Variants in RAPGEF5 observed in about 807,000 individuals in gnomAD.
RAPGEF5 encodes the protein Rap guanine nucleotide exchange factor 5.
RAPGEF5 carries 65 observed loss-of-function variants against 125.2 expected under a neutral mutation model. That is an observed-to-expected ratio of 0.52 (90% CI 0.43 to 0.64). The LOEUF is 0.64. Among genes scored for constraint, RAPGEF5 ranks in the 30% least tolerant of loss-of-function variants. The probability of loss-of-function intolerance (pLI) is 0.00; values close to 1 mark genes in which losing one functional copy is unlikely to be tolerated. For missense variants in RAPGEF5, 958 were observed against 1,048.1 expected (o/e 0.91, Z 1.19); for synonymous variants, 391 against 385.9 (o/e 1.01, Z -0.16).
At chr7:22,252,776 T>C (rs759180732) in intron 7 of RAPGEF5, among the ~76,000 whole-genome samples, 1 of 152,126 alleles carries the variant, frequency 6.6e-6, no homozygotes, top group Non-Finnish European at 1.5e-5. Flanking sequence ...TGTATCCCAG[T>C]GGGAGAGTTA....
intron 8 of RAPGEF5, among the ~76,000 whole-genome samples, chr7:22,223,367 T>G (rs923120328): frequency 2.0e-5 from 3 of 152,120 alleles, no homozygotes; most frequent in Non-Finnish European, 4.4e-5. Flanking sequence ...TAACTTTGAG[T>G]GGAGCAATTT....
intron 6 of RAPGEF5, among the ~76,000 whole-genome samples, chr7:22,286,144 T>A (rs1478632321): frequency 6.6e-6 from 1 of 152,180 alleles, no homozygotes; most frequent in African/African-American, 2.4e-5. Context: ...TGACTACGGA[T>A]CAGAAGAGAG....
intron 6 of RAPGEF5, among the ~76,000 whole-genome samples, chr7:22,269,039 T>C (rs373697634): frequency 1.3e-5 from 2 of 152,020 alleles, no homozygotes; most frequent in African/African-American, 4.8e-5. Flanking sequence ...GGCTGCTTTT[T>C]TACATAAAAT....
intron 1 of RAPGEF5, chr7:22,356,048 G>A (rs1784414182): frequency 2.0e-6 from 2 of 985,308 alleles, no homozygotes; most frequent in South Asian, 9.4e-5. Context: ...AGGCCCTGGC[G>A]GGGCCTCCTA....
Position 22,119,408 on chromosome 7 carries a change from G to T in RAPGEF5, c.*2998C>A, listed in dbSNP as rs1782512878. On this transcript the variant is annotated 3_prime_UTR_variant, in exon 26 of 26. Coordinates refer to ENST00000665637, the MANE Select transcript of RAPGEF5 (RefSeq NM_012294.5). This position sits in a 1 kb window ranked among gnomAD's most constrained non-coding sequence, Gnocchi z 4.1. ...GGAAACTAGAAAAAAGTGAATGCAG[G>T]TCATGTGTATCACTATAATCATTTG... is the stretch of plus-strand genomic sequence containing the variant. The T allele has an allele frequency of 6.6e-6, 1 of 152,100 alleles. No homozygotes were observed. The highest frequency in any genetic ancestry group is 1.5e-5 in the Non-Finnish European group (1 of 68,024). 9.4% of individuals were successfully genotyped at this position (152,100 alleles called of 1,614,324 possible).
chr7:22,313,549 C>T (rs1447653947), intron 3 of RAPGEF5, among the ~76,000 whole-genome samples: 1 of 152,198 alleles, frequency 6.6e-6, no homozygotes. Context: ...GCTCTCTCCC[C>T]ATTCTATTCC....
At position 22,266,648 on chromosome 7, in the gene RAPGEF5, G is replaced by A. The variant is rs111781737; in HGVS notation, c.796+316C>T. 3.4e-3 allele frequency among the ~76,000 whole-genome samples: 523 copies of A among 152,032 alleles called. 3 individuals are homozygous for A. The highest frequency in any genetic ancestry group is 0.012 in the African/African-American group (482 of 41,482). On this transcript the variant is annotated intron_variant, in intron 7 of 25. Transcript: ENST00000665637. ...TAAGATACATAATTACAAGGTGATC[G>A]GCTTACTTTGTCATGTACCTAGATC...
chr7:22,187,749 T>C (rs1029692992), intron 11 of RAPGEF5, among the ~76,000 whole-genome samples: 3 of 152,264 alleles, frequency 2.0e-5, no homozygotes, highest in African/African-American at 4.8e-5. Flanking sequence ...CATACAGTCC[T>C]GTCAGAGGGG....
chr7:22,150,163 T>C, intron 18 of RAPGEF5, among the ~76,000 whole-genome samples: 1 of 150,232 alleles, frequency 6.7e-6, no homozygotes. Flanking sequence ...CATTGCAGCC[T>C]TGACCTCCTG....
At chr7:22,262,373 C>T (rs779196620) in intron 7 of RAPGEF5, among the ~76,000 whole-genome samples, 4 of 152,126 alleles carry the variant, frequency 2.6e-5, no homozygotes, top group African/African-American at 4.8e-5. Flanking sequence ...TATCACTATA[C>T]GCCTATCAGA....
chr7:22,189,225 G>C (rs1253043327), intron 11 of RAPGEF5, among the ~76,000 whole-genome samples: 5 of 151,902 alleles, frequency 3.3e-5, no homozygotes, highest in African/African-American at 1.2e-4. Context: ...AAGGAAATGG[G>C]AAATAACATA....
At position 22,138,035 on chromosome 7, in the gene RAPGEF5, G is replaced by A. The variant is rs890846836; in HGVS notation, c.2278-1052C>T. On this transcript the variant is annotated intron_variant, in intron 21 of 25. Coordinates refer to ENST00000665637, the MANE Select transcript of RAPGEF5 (RefSeq NM_012294.5). ...CACACACACACACACACACACACAC[G>A]CACGCACGCACACACACACCCCAAC... Among the ~76,000 whole-genome samples the A allele has an allele frequency of 5.7e-3, 653 of 115,144 alleles. 5 individuals carry two copies. Among genetic ancestry groups the A allele is most frequent in the African/African-American group, 0.016 (469 of 29,104 alleles). The allele number at this position is 115,144 out of a possible 152,430, so 75.5% of individuals were successfully genotyped here. A position where few individuals can be genotyped will look rare whatever the true frequency, so the allele number is the denominator to read the frequency against.
chr7:22,332,883 T>C (rs940280031), intron 1 of RAPGEF5, among the ~76,000 whole-genome samples: 14 of 152,290 alleles, frequency 9.2e-5, no homozygotes, highest in Non-Finnish European at 1.3e-4. Flanking sequence ...AGACACACAA[T>C]TGGAAGAACC....
At chr7:22,294,451 A>G (rs892930205) in intron 5 of RAPGEF5, among the ~76,000 whole-genome samples, 2 of 152,186 alleles carry the variant, frequency 1.3e-5, no homozygotes, top group African/African-American at 4.8e-5. Context: ...GGTCTGCAAT[A>G]TCTAAGGGTG....
At chr7:22,349,327 G>T (rs1204248739) in intron 1 of RAPGEF5, among the ~76,000 whole-genome samples, 1 of 151,232 alleles carries the variant, frequency 6.6e-6, no homozygotes, top group African/African-American at 2.4e-5. Context: ...AGGAGGCTGA[G>T]GCAGGAGAAC....
chr7:22,288,512 A>G (rs1286091255), intron 6 of RAPGEF5, among the ~76,000 whole-genome samples: 1 of 146,926 alleles, frequency 6.8e-6, no homozygotes, highest in Non-Finnish European at 1.5e-5. Flanking sequence ...TTAAAAATCA[A>G]TTTCTTTTCT....
At chr7:22,156,145 T>C (rs1783799762) in intron 16 of RAPGEF5, among the ~76,000 whole-genome samples, 1 of 152,224 alleles carries the variant, frequency 6.6e-6, no homozygotes, top group Non-Finnish European at 1.5e-5. Flanking sequence ...AATTTCAGCA[T>C]ATGAAGAAAG....
intron 17 of RAPGEF5, among the ~76,000 whole-genome samples, chr7:22,153,285 C>G (rs553993576): frequency 6.6e-6 from 1 of 152,196 alleles, no homozygotes; most frequent in Admixed American, 6.5e-5. Flanking sequence ...TGTTTAAAAT[C>G]CTTTTATATT....
chr7:22,204,745 T>C (rs1785359884), intron 9 of RAPGEF5, among the ~76,000 whole-genome samples: 1 of 152,150 alleles, frequency 6.6e-6, no homozygotes, highest in South Asian at 2.1e-4. Context: ...GGGATAAAGG[T>C]AGACAAAGTG....
Sources: allele counts gnomAD v4.1 joint callset (sites outside exome capture counted in the v4.1 genomes callset), GRCh38; gene constraint gnomAD v4.1.1; non-coding constraint Gnocchi (gnomAD v3.1); transcripts MANE v1.5; gene names NCBI Gene and HGNC (gene_info 2026-07-23, HGNC 2026-07-21).